The following LYN variants were observed in gnomAD, a reference collection of about 807,000 sequenced individuals.
LYN encodes the protein LYN proto-oncogene, Src family tyrosine kinase.
In LYN, 12 loss-of-function variants were observed where a neutral mutation model predicts 65.0. The observed-to-expected ratio is 0.18, with a 90% CI of 0.12 to 0.30. LYN has a LOEUF of 0.30. Among genes scored for constraint, LYN ranks in the 10% least tolerant of loss-of-function variants. The pLI is 1.00. For synonymous variants in LYN, 222 were observed against 221.2 expected, an observed-to-expected ratio of 1.00 and a Z score of -0.03; for missense variants, 380 against 623.2, an observed-to-expected ratio of 0.61 and a Z score of 4.16.
intron 1 of LYN, among the ~76,000 whole-genome samples, chr8:55,919,449 G>A (rs531135520): frequency 4.7e-4 from 72 of 152,230 alleles, no homozygotes; most frequent in Middle Eastern, 3.4e-3. Flanking sequence ...CTTCACTGCC[G>A]GGTCTGGAAA....
chr8:55,922,235 G>A (rs1194476040), intron 1 of LYN, among the ~76,000 whole-genome samples: 2 of 152,100 alleles, frequency 1.3e-5, no homozygotes, highest in African/African-American at 4.8e-5. Flanking sequence ...CTACAGGCAT[G>A]TGCCACCACG....
chr8:55,957,560 T>A (rs1807157088), intron 8 of LYN, among the ~76,000 whole-genome samples: 1 of 152,232 alleles, frequency 6.6e-6, no homozygotes, highest in South Asian at 2.1e-4. Context: ...AATTGCATGC[T>A]ATTTGCTCCT....
intron 1 of LYN, among the ~76,000 whole-genome samples, chr8:55,881,592 T>C (rs1173566099): frequency 6.6e-6 from 1 of 152,204 alleles, no homozygotes; most frequent in East Asian, 1.9e-4. Context: ...TCTTTGGATG[T>C]AAATGTGTGG....
chr8:55,913,011 G>T (rs1002414616), intron 1 of LYN, among the ~76,000 whole-genome samples: 11 of 152,218 alleles, frequency 7.2e-5, no homozygotes, highest in East Asian at 1.9e-4. Flanking sequence ...TATTAAAAAT[G>T]ACAAGTGATG....
intron 10 of LYN, among the ~76,000 whole-genome samples, chr8:55,973,801 CCAAA>C (rs1435283493): frequency 2.0e-5 from 3 of 152,134 alleles, no homozygotes; most frequent in Non-Finnish European, 2.9e-5. Flanking sequence ...CAAAATCAAG[CCAAA>C]CAAAGTGGCA....
intron 3 of LYN, among the ~76,000 whole-genome samples, chr8:55,946,788 C>CT (rs1806791425): frequency 6.6e-6 from 1 of 152,128 alleles, no homozygotes. Flanking sequence ...CTCTTTCTGT[C>CT]TTTATGAATT....
rs1806625362 is a variant in LYN at position 55,941,991 on chromosome 8, A to G, written c.132A>G (p.Pro44=). The G allele has an allele frequency of 6.2e-7, 1 of 1,613,428 alleles. No individual in the cohort carries two copies. Among genetic ancestry groups the G allele is most frequent in the African/African-American group, 1.3e-5 (1 of 75,048 alleles). ...RDPTSNKQQR[P]VPESQLLPGQ... The stretch of plus-strand genomic sequence containing the variant: ...CAACGTCCAATAAACAGCAAAGGCC[A>G]GTAAGTAGATAGTCTCAGGGGAGAA... Residue 44 remains proline (P), a splice_region_variant and synonymous_variant, in exon 2 of 13, where the codon CCA becomes CCG. Coordinates refer to ENST00000519728, the MANE Select transcript of LYN (RefSeq NM_002350.4).
chr8:55,903,979 C>T lies in LYN; in HGVS notation c.-6+23876C>T, dbSNP rs563908912. On this transcript the variant is annotated intron_variant, in intron 1 of 12. Transcript: ENST00000519728. ...GCAGCTGCACTGGGCTGTGATTGTGCCATTACAACAGAGTAAGACAGAGTC... is the reference window on the plus strand; with the variant it reads ...GCAGCTGCACTGGGCTGTGATTGTGTCATTACAACAGAGTAAGACAGAGTC... 5.1e-4 allele frequency among the ~76,000 whole-genome samples: 76 copies of T among 150,344 alleles called. 1 individual carries two copies. In the South Asian group the frequency reaches 7.0e-3, roughly 14 times the overall value.
intron 1 of LYN, among the ~76,000 whole-genome samples, chr8:55,897,882 C>T (rs1272238295): frequency 6.6e-6 from 1 of 152,078 alleles, no homozygotes; most frequent in African/African-American, 2.4e-5. Context: ...CACTGTACTC[C>T]AGCCTGCGTG....
intron 10 of LYN, among the ~76,000 whole-genome samples, chr8:55,984,340 A>G (rs1466539696): frequency 6.6e-6 from 1 of 152,206 alleles, no homozygotes; most frequent in Non-Finnish European, 1.5e-5. Flanking sequence ...CTGCTGGCTC[A>G]GCATCTGCCC....
At chr8:55,998,304 C>T (rs1169070532) in intron 10 of LYN, 42 bp from the exon 11 acceptor site, 2 of 1,560,118 alleles carry the variant, frequency 1.3e-6, no homozygotes, top group Non-Finnish European at 8.8e-7. Context: ...TTTCCAGTCA[C>T]CTACCCTACA....
intron 1 of LYN, among the ~76,000 whole-genome samples, chr8:55,886,713 A>G (rs968949392): frequency 6.6e-6 from 1 of 152,220 alleles, no homozygotes; most frequent in Non-Finnish European, 1.5e-5. Flanking sequence ...TTTCTGAGGT[A>G]GGATTGGCCA....
In LYN at chr8:56,011,974, T is replaced by TA. The variant is rs1233473348; in HGVS notation, c.*1864_*1865insA. 3 of 172,162 alleles carry TA rather than the reference T, an allele frequency of 1.7e-5. No homozygotes were observed. Among genetic ancestry groups the TA allele is most frequent in the Non-Finnish European group, 3.7e-5 (3 of 80,884 alleles). The allele number at this position is 172,162 out of a possible 1,614,324, so 10.7% of individuals were successfully genotyped here. A position where few individuals can be genotyped will look rare whatever the true frequency, so the allele number is the denominator to read the frequency against. ...GAAGTCTCTAGAAAATGACTAGAGG[T>TA]TTTTTTTTTAGCATAACAAATTTAT... On this transcript the variant is annotated 3_prime_UTR_variant, in exon 13 of 13. Transcript: ENST00000519728.
chr8:55,938,435 A>T (rs1806504293), intron 1 of LYN, among the ~76,000 whole-genome samples: 2 of 152,192 alleles, frequency 1.3e-5, no homozygotes, highest in Non-Finnish European at 2.9e-5. Flanking sequence ...TTATAAGCAA[A>T]CTTGGAATTC....
In LYN at chr8:55,969,775, C is replaced by T. The variant is rs778117982; in HGVS notation, c.1032C>T (p.Leu344=). Residue 344 remains leucine, a synonymous_variant, in exon 10 of 13, where the codon CTC becomes CTT. Transcript: ENST00000519728. ...GTGGCAAAGTGCTGCTTCCAAAGCT[C>T]ATTGACTTTTCTGCTCAGGTAACAT... ...DEGGKVLLPK[L]IDFSAQIAEG... The T allele has an allele frequency of 1.2e-6, 2 of 1,614,172 alleles. No homozygotes were observed. Among genetic ancestry groups the T allele is most frequent in the South Asian group, 2.2e-5 (2 of 91,070 alleles).
In LYN at chr8:55,988,291, GGTGTGT is replaced by G. The variant is rs57413136; in HGVS notation, c.1051-10022_1051-10017del. Among the ~76,000 whole-genome samples, 1,363 of 142,172 alleles carry G rather than the reference GGTGTGT, an allele frequency of 9.6e-3. 12 individuals carry two copies. The highest frequency in any genetic ancestry group is 0.018 in the Middle Eastern group (5 of 274). 93.3% of individuals were successfully genotyped at this position (142,172 alleles called of 152,430 possible). On this transcript the variant is annotated intron_variant, in intron 10 of 12. Transcript: ENST00000519728. ...TTCTTAAACTTTTTGCAAACTCCCT[GGTGTGT>G]GTGTGTGTGTGTGTGTGTGTGTGTG...
rs919969083 is a variant in LYN at position 56,010,186 on chromosome 8, C to G, written c.*76C>G. The G allele has an allele frequency of 3.4e-6, 5 of 1,449,966 alleles. No individual in the cohort carries two copies. In the African/African-American group the frequency reaches 7.0e-5, roughly 20 times the overall value. The allele number at this position is 1,449,966 out of a possible 1,614,324, so 89.8% of individuals were successfully genotyped here. A position where few individuals can be genotyped will look rare whatever the true frequency, so the allele number is the denominator to read the frequency against. ...GGAAAAGTAACCATCACTGGTTGCA[C>G]TTATGATTTCATGTGCGGGGATCAT... On this transcript the variant is annotated 3_prime_UTR_variant, in exon 13 of 13. Coordinates refer to ENST00000519728, the MANE Select transcript of LYN (RefSeq NM_002350.4).
At chr8:55,996,870 C>T (rs948103329) in intron 10 of LYN, among the ~76,000 whole-genome samples, 6 of 152,062 alleles carry the variant, frequency 3.9e-5, no homozygotes, top group African/African-American at 9.7e-5. Context: ...TGGCTCATGC[C>T]TGTAATTTCA....
intron 1 of LYN, among the ~76,000 whole-genome samples, chr8:55,888,767 C>G (rs980367750): frequency 2.6e-5 from 4 of 152,102 alleles, no homozygotes; most frequent in Non-Finnish European, 4.4e-5. Flanking sequence ...GACAGAGTCT[C>G]ACTCTGTCAT....
Sources: allele counts gnomAD v4.1 joint callset (sites outside exome capture counted in the v4.1 genomes callset), GRCh38; gene constraint gnomAD v4.1.1; transcripts MANE v1.5; gene names NCBI Gene and HGNC (gene_info 2026-07-23, HGNC 2026-07-21).